Variants in TRMU observed in about 807,000 individuals in gnomAD.
TRMU encodes the protein mitochondrial tRNA-specific 2-thiouridylase 1.
In TRMU, 49 loss-of-function variants were observed where a neutral mutation model predicts 46.9. The ratio of observed to expected loss-of-function variants is 1.05; its 90% confidence interval spans 0.83 to 1.33. The LOEUF (loss-of-function observed/expected upper bound fraction) is 1.33, where lower values mean the gene tolerates loss of function less well. Ranked by LOEUF, TRMU falls within the 40% of genes most tolerant of loss-of-function variation. The pLI is 0.00. For missense variants in TRMU, 572 were observed against 532.4 expected (o/e 1.07, Z -0.73); for synonymous variants, 241 against 200.9 (o/e 1.20, Z -1.69).
At chr22:46,343,199 CTTT>C (rs367879331) in intron 2 of TRMU, 60 bp from the exon 3 acceptor site, 185 of 961,754 alleles carry the variant, frequency 1.9e-4, no homozygotes, top group Non-Finnish European at 2.4e-4. Context: ...ATTTAGTGAA[CTTT>C]TTTTTTTTTT....
At position 46,351,871 on chromosome 22, in the gene TRMU, C is replaced by G; in HGVS notation, c.652-250C>G. The G allele has an allele frequency of 1.7e-6, 1 of 592,810 alleles. No individual in the cohort carries two copies. Among genetic ancestry groups the G allele is most frequent in the Non-Finnish European group, 3.0e-6 (1 of 330,978 alleles). 36.7% of individuals were successfully genotyped at this position (592,810 alleles called of 1,614,324 possible). On this transcript the variant is annotated intron_variant, in intron 5 of 10. Coordinates refer to ENST00000645190, the MANE Select transcript of TRMU (RefSeq NM_018006.5). This position sits in a 1 kb window ranked among gnomAD's most constrained non-coding sequence, Gnocchi z 6.4. ...GGTTCTGCTTTCTTCCCCGGGGCAG[C>G]TGGTGTGAGGGTCTCCCGCGCAGGG...
At chr22:46,355,666 A>G (rs2078581600) in intron 9 of TRMU, 78 bp downstream of exon 9, 2 of 1,603,826 alleles carry the variant, frequency 1.2e-6, no homozygotes, top group African/African-American at 1.3e-5. Flanking sequence ...CAGGGATGGG[A>G]GACCCTGGGG....
In TRMU at chr22:46,347,376, G is replaced by A. The variant is rs2078287635; in HGVS notation, c.478+832G>A. On this transcript the variant is annotated intron_variant, in intron 4 of 10. Coordinates refer to ENST00000645190, the MANE Select transcript of TRMU (RefSeq NM_018006.5). This position sits in a 1 kb window ranked among gnomAD's most constrained non-coding sequence, Gnocchi z 5.0. ...TTATTAATTTTATTTTTTTGAGAGA[G>A]GATCTCACTCTGTCAACCGGGCTGG... is the stretch of plus-strand genomic sequence containing the variant. The A allele has an allele frequency of 6.6e-6, 1 of 151,862 alleles. No homozygotes were observed. The highest frequency in any genetic ancestry group is 6.6e-5 in the Admixed American group (1 of 15,218). 9.4% of individuals were successfully genotyped at this position (151,862 alleles called of 1,614,324 possible).
At position 46,338,099 on chromosome 22, in the gene TRMU, G is replaced by A. The variant is rs927548112; in HGVS notation, c.248+155G>A. 4.0e-5 allele frequency: 41 copies of A among 1,027,950 alleles called. No homozygotes were observed. In the East Asian group the frequency reaches 4.9e-4, roughly 12 times the overall value. The allele number at this position is 1,027,950 out of a possible 1,614,324, so 63.7% of individuals were successfully genotyped here. On this transcript the variant is annotated intron_variant, in intron 2 of 10. Coordinates refer to ENST00000645190, the MANE Select transcript of TRMU (RefSeq NM_018006.5). This position sits in a 1 kb window ranked among gnomAD's most constrained non-coding sequence, Gnocchi z 4.5. ...ACTGCAAGAGGCCTCAGCCACCCTC[G>A]GGGCTCTGTGTTAGAGGCGAGGCCT... is the stretch of plus-strand genomic sequence containing the variant.
Position 46,336,460 on chromosome 22 carries a change from A to AC in TRMU, c.82+614_82+615insC, listed in dbSNP as rs1569058351. ...CCGGCGCTGAAATGAGCACTTGTTT[A>AC]ACTTCACCTGTGTGGCTCCCCGCGG... On this transcript the variant is annotated intron_variant, in intron 1 of 10. Coordinates refer to ENST00000645190, the MANE Select transcript of TRMU (RefSeq NM_018006.5). This position sits in a 1 kb window ranked among gnomAD's most constrained non-coding sequence, Gnocchi z 4.1. The AC allele has an allele frequency of 2.6e-5, 4 of 152,336 alleles. No individual in the cohort carries two copies. Among genetic ancestry groups the AC allele is most frequent in the African/African-American group, 9.7e-5 (4 of 41,440 alleles). The allele number at this position is 152,336 out of a possible 1,614,324, so 9.4% of individuals were successfully genotyped here.
chr22:46,353,896 T>C (rs1459986788), intron 8 of TRMU, 29 bp downstream of exon 8: 1 of 1,605,634 alleles, frequency 6.2e-7, no homozygotes, highest in Non-Finnish European at 8.5e-7. Flanking sequence ...GAGACAGCAC[T>C]GGGGCTGGTT....
rs1278777913 is a variant in TRMU, at chr22:46,339,559, A to C, written c.248+1615A>C. 1.3e-5 allele frequency among the ~76,000 whole-genome samples: 2 copies of C among 152,218 alleles called. No homozygotes were observed. Among genetic ancestry groups the C allele is most frequent in the African/African-American group, 4.8e-5 (2 of 41,454 alleles). ...TCTGGGGTGAGGGATAAAAGACTAC[A>C]CATCGGGTACAATGTCCACTGCTTG... On this transcript the variant is annotated intron_variant, in intron 2 of 10. Coordinates refer to ENST00000645190, the MANE Select transcript of TRMU (RefSeq NM_018006.5). The surrounding 1 kb of genome is among the most constrained non-coding windows in gnomAD (Gnocchi z 4.8).
At position 46,342,832 on chromosome 22, in the gene TRMU, C is replaced by T. The variant is rs1432860199; in HGVS notation, c.249-430C>T. ...AATTATCTGGGCATGGTGCTGCGCA[C>T]CTGTAATCACAGCTATTCGGAAGGC... On this transcript the variant is annotated intron_variant, in intron 2 of 10. Coordinates refer to ENST00000645190, the MANE Select transcript of TRMU (RefSeq NM_018006.5). The surrounding 1 kb of genome is among the most constrained non-coding windows in gnomAD (Gnocchi z 4.7). 6.6e-6 allele frequency among the ~76,000 whole-genome samples: 1 copy of T among 152,262 alleles called. No individual in the cohort carries two copies. Among genetic ancestry groups the T allele is most frequent in the Non-Finnish European group, 1.5e-5 (1 of 68,048 alleles).
intron 7 of TRMU, 113 bp downstream of exon 7, chr22:46,352,443 T>C (rs1187806510): frequency 6.6e-6 from 9 of 1,358,388 alleles, no homozygotes; most frequent in Admixed American, 3.4e-5. Flanking sequence ...TGGAGAATTG[T>C]AGAAGGCTCT....
rs374614222 is a variant in TRMU, at chr22:46,356,024, C to A, written c.1053C>A (p.Thr351=). The A allele has an allele frequency of 1.1e-5, 17 of 1,613,980 alleles. No individual in the cohort carries two copies. The highest frequency in any genetic ancestry group is 1.4e-5 in the Non-Finnish European group (16 of 1,179,998). ...PCVLTLNQDG[T]VWVTAVQAVR... is the part of the protein sequence containing the mutation. ...TGCTGACCCTCAATCAAGATGGCAC[C>A]GTGTGGGTGACAGCTGTGCAGGCTG... The change falls in exon 10 of 11, where the codon ACC becomes ACA. Residue 351 remains threonine (T), a synonymous_variant. Coordinates refer to ENST00000645190, the MANE Select transcript of TRMU (RefSeq NM_018006.5).
rs898083474 is a variant in TRMU at position 46,342,062 on chromosome 22, G to A, written c.249-1200G>A. On this transcript the variant is annotated intron_variant, in intron 2 of 10. Coordinates refer to ENST00000645190, the MANE Select transcript of TRMU (RefSeq NM_018006.5). This position sits in a 1 kb window ranked among gnomAD's most constrained non-coding sequence, Gnocchi z 4.7. The stretch of plus-strand genomic sequence containing the variant: ...TACAGCAAGCAGTGGACACCGACTG[G>A]GTGTCCTCTGATTCAGTTCCGATAC... Among the ~76,000 whole-genome samples, 12 of 152,150 alleles carry A rather than the reference G, an allele frequency of 7.9e-5. No homozygotes were observed. The highest frequency in any genetic ancestry group is 2.0e-4 in the Admixed American group (3 of 15,282).
Position 46,357,163 on chromosome 22 carries a change from C to T in TRMU, c.*157C>T, listed in dbSNP as rs890618034. ...AAAGCCTGCAGGGGCCCGGCGAGCC[C>T]CAGGAAGAGCCTCAGCTCCAGGCTG... is the stretch of plus-strand genomic sequence containing the variant. On this transcript the variant is annotated 3_prime_UTR_variant, in exon 11 of 11. Coordinates refer to ENST00000645190, the MANE Select transcript of TRMU (RefSeq NM_018006.5). 2.1e-6 allele frequency: 2 copies of T among 955,584 alleles called. No individual in the cohort carries two copies. Among genetic ancestry groups the T allele is most frequent in the Non-Finnish European group, 3.2e-6 (2 of 628,182 alleles). The allele number at this position is 955,584 out of a possible 1,614,324, so 59.2% of individuals were successfully genotyped here. A position where few individuals can be genotyped will look rare whatever the true frequency, so the allele number is the denominator to read the frequency against.
chr22:46,355,881 C>T, intron 9 of TRMU, 109 bp from the exon 10 acceptor site: 1 of 1,295,694 alleles, frequency 7.7e-7, no homozygotes, highest in South Asian at 1.2e-5. Flanking sequence ...CCCTTCCCCT[C>T]TAAGCAGGGG....
At chr22:46,345,734 A>G (rs2078237343) in intron 3 of TRMU, among the ~76,000 whole-genome samples, 1 of 150,172 alleles carries the variant, frequency 6.7e-6, no homozygotes, top group African/African-American at 2.4e-5. Flanking sequence ...CATTCACTTC[A>G]CATTCTCCCA....
In TRMU at chr22:46,342,104, G is replaced by A. The variant is rs1049267093; in HGVS notation, c.249-1158G>A. Among the ~76,000 whole-genome samples the A allele has an allele frequency of 6.6e-6, 1 of 152,232 alleles. No homozygotes were observed. The highest frequency in any genetic ancestry group is 2.4e-5 in the African/African-American group (1 of 41,446). ...TTCCGATACCATCTACTTGGAGATA[G>A]TGCTGGATCCCAAAGGTTGGGGGTT... On this transcript the variant is annotated intron_variant, in intron 2 of 10. Coordinates refer to ENST00000645190, the MANE Select transcript of TRMU (RefSeq NM_018006.5). This position sits in a 1 kb window ranked among gnomAD's most constrained non-coding sequence, Gnocchi z 4.7.
rs1244918940 is a variant in TRMU, at chr22:46,348,052, A to T, written c.478+1508A>T. On this transcript the variant is annotated intron_variant, in intron 4 of 10. Coordinates refer to ENST00000645190, the MANE Select transcript of TRMU (RefSeq NM_018006.5). This position sits in a 1 kb window ranked among gnomAD's most constrained non-coding sequence, Gnocchi z 4.8. ...CTCCCGTAAGACAGCCCCCCATTTC[A>T]GGAAGACATGGGTTTGAATGCAGAT... Among the ~76,000 whole-genome samples, 1 of 151,600 alleles carries T rather than the reference A, an allele frequency of 6.6e-6. No individual in the cohort carries two copies. The highest frequency in any genetic ancestry group is 2.4e-5 in the African/African-American group (1 of 41,312).
chr22:46,344,839 G>A (rs567964916), intron 3 of TRMU, among the ~76,000 whole-genome samples: 1 of 152,308 alleles, frequency 6.6e-6, no homozygotes, highest in East Asian at 1.9e-4. Flanking sequence ...AAAGTGGATT[G>A]TTTTCTCTAG....
chr22:46,355,598 G>T lies in TRMU; in HGVS notation c.1018+10G>T. On this transcript the variant is annotated intron_variant, in intron 9 of 10. Coordinates refer to ENST00000645190, the MANE Select transcript of TRMU (RefSeq NM_018006.5). The stretch of plus-strand genomic sequence containing the variant: ...CACCAGATGGCACTAGGTGACTGAC[G>T]GGAGGGCTCCTGAGGACGGGCCCCT... 6.2e-7 allele frequency: 1 copy of T among 1,613,312 alleles called. No individual in the cohort carries two copies. Among genetic ancestry groups the T allele is most frequent in the Non-Finnish European group, 8.5e-7 (1 of 1,180,030 alleles).
chr22:46,335,947 C>T lies in TRMU; in HGVS notation c.82+101C>T, dbSNP rs540641862. 3.5e-5 allele frequency: 52 copies of T among 1,489,638 alleles called. No homozygotes were observed. The East Asian group carries it at 1.1e-3, about 32-fold the overall frequency. 92.3% of individuals were successfully genotyped at this position (1,489,638 alleles called of 1,614,324 possible). On this transcript the variant is annotated intron_variant, in intron 1 of 10. Coordinates refer to ENST00000645190, the MANE Select transcript of TRMU (RefSeq NM_018006.5). ...GTGCACGTCTCCTCCCTCCCTGGGC[C>T]GCTGGTTGCGCGCGGGTCGGCAGGA...
Sources: gnomAD v4.1 joint callset for allele counts (sites outside exome capture counted in the v4.1 genomes callset) on GRCh38, gnomAD v4.1.1 for gene constraint, Gnocchi (gnomAD v3.1) non-coding constraint, MANE v1.5 for transcripts, NCBI Gene and HGNC (gene_info 2026-07-23, HGNC 2026-07-21) for gene names.